Variants in MYEF2 observed in about 807,000 individuals in gnomAD.
The protein encoded by MYEF2 is myelin expression factor 2.
A neutral mutation model predicts 75.2 loss-of-function variants in MYEF2; 37 were observed. The ratio of observed to expected loss-of-function variants is 0.49; its 90% CI spans 0.38 to 0.65. The LOEUF (loss-of-function observed/expected upper bound fraction) is 0.65. Among genes scored for constraint, MYEF2 ranks in the 30% least tolerant of loss-of-function variants. The pLI is 0.00. For synonymous variants in MYEF2, 195 were observed against 241.6 expected (o/e 0.81, Z 1.79); for missense variants, 634 against 771.4 (o/e 0.82, Z 2.11).
Position 48,151,343 on chromosome 15 carries a change from A to T in MYEF2, c.1306+130T>A, listed in dbSNP as rs75263091. 4,650 of 1,050,114 alleles carry T rather than the reference A, an allele frequency of 4.4e-3. 233 individuals carry two copies. In the East Asian group the frequency reaches 0.097, roughly 22 times the overall value. The allele number at this position is 1,050,114 out of a possible 1,614,324, so 65.0% of individuals were successfully genotyped here. On this transcript the variant is annotated intron_variant, in intron 13 of 16. Coordinates refer to ENST00000324324, the MANE Select transcript of MYEF2 (RefSeq NM_016132.5). Reference sequence around the variant, plus strand: ...AGAGAGCTAGCATATTAAAATCCTTAAAGTGTTTTCTTCAGGTAATAAGTT... The same window carrying T: ...AGAGAGCTAGCATATTAAAATCCTTTAAGTGTTTTCTTCAGGTAATAAGTT...
At chr15:48,177,740 T>G (rs764017453) in intron 1 of MYEF2, among the ~76,000 whole-genome samples, 8 of 152,222 alleles carry the variant, frequency 5.3e-5, no homozygotes, top group Non-Finnish European at 1.0e-4. Flanking sequence ...GGGACCATTT[T>G]CCTGCAAACC....
At position 48,178,106 on chromosome 15, in the gene MYEF2, C is replaced by T; in HGVS notation, c.132G>A (p.Gln44=). ...HPAEAEKQQP[Q]HSSSSNGVKM... ...TAACGCCATTGGAGCTGCTGCTGTGCTGCGGCTGCTGCTTCTCCGCCTCCG... is the reference window on the plus strand; with the variant it reads ...TAACGCCATTGGAGCTGCTGCTGTGTTGCGGCTGCTGCTTCTCCGCCTCCG... Residue 44 remains glutamine (Q), a synonymous_variant, in exon 1 of 17, where the codon CAG becomes CAA. Coordinates refer to ENST00000324324, the MANE Select transcript of MYEF2 (RefSeq NM_016132.5). The T allele has an allele frequency of 6.3e-7, 1 of 1,597,068 alleles. No individual in the cohort carries two copies. Among genetic ancestry groups the T allele is most frequent in the Non-Finnish European group, 8.5e-7 (1 of 1,172,650 alleles).
rs1438350749 is a variant in MYEF2 at position 48,149,105 on chromosome 15, G to A, written c.1588-22C>T. On this transcript the variant is annotated intron_variant, in intron 15 of 16. Coordinates refer to ENST00000324324, the MANE Select transcript of MYEF2 (RefSeq NM_016132.5). This position sits in a 1 kb window ranked among gnomAD's most constrained non-coding sequence, Gnocchi z 4.0. ...GTAGCTAGAATGAAAAGAGGTATTA[G>A]TAACATATATACAAGAAAAAAAAGA... The A allele has an allele frequency of 6.2e-7, 1 of 1,612,824 alleles. No individual in the cohort carries two copies. Among genetic ancestry groups the A allele is most frequent in the Non-Finnish European group, 8.5e-7 (1 of 1,179,092 alleles).
Position 48,134,967 on chromosome 15 carries a change from T to C in MYEF2, c.*7941A>G, listed in dbSNP as rs1317645393. 6.2e-7 allele frequency: 1 copy of C among 1,608,884 alleles called. No individual in the cohort carries two copies. Among genetic ancestry groups the C allele is most frequent in the African/African-American group, 1.3e-5 (1 of 74,804 alleles). ...CAGCAGCAGTTCTTGGTATAATATA[T>C]GACAACCAAGTTTACTGGTAAGCTT... is the stretch of plus-strand genomic sequence containing the variant. On this transcript the variant is annotated 3_prime_UTR_variant, in exon 17 of 17. Transcript: ENST00000324324.
At position 48,153,873 on chromosome 15, in the gene MYEF2, T is replaced by C. The variant is rs771346439; in HGVS notation, c.1006A>G (p.Met336Val). The C allele has an allele frequency of 1.9e-6, 3 of 1,613,016 alleles. No individual in the cohort carries two copies. In the East Asian group the frequency reaches 6.7e-5, roughly 36 times the overall value. The change falls in exon 10 of 17, where the codon ATG becomes GTG. Residue 336 changes from methionine (M) to valine (V), a missense_variant. By Grantham distance (21) the Met-to-Val change is conservative (BLOSUM62 1). Transcript: ENST00000324324. ...GGCTGTCCACCCGGACCAAGTCCCA[T>C]CCCAATGCCTCCAAGACCACCTAAA... ...QLPRGLGGIG[M>V]GLGPGGQPIS...
chr15:48,172,103 G>A (rs1274210125), intron 1 of MYEF2, among the ~76,000 whole-genome samples: 2 of 152,094 alleles, frequency 1.3e-5, no homozygotes, highest in African/African-American at 2.4e-5. Context: ...TCTACATTAA[G>A]AAAAACGACC....
intron 11 of MYEF2, 79 bp downstream of exon 11, chr15:48,152,155 T>TC (rs2039514984): frequency 2.1e-6 from 3 of 1,401,252 alleles, no homozygotes; most frequent in Non-Finnish European, 3.0e-6. Context: ...GACTTTTTTT[T>TC]CATGGAATTC....
rs1455645093 is a variant in MYEF2 at position 48,151,456 on chromosome 15, T to C, written c.1306+17A>G. 1.3e-6 allele frequency: 2 copies of C among 1,598,108 alleles called. No homozygotes were observed. The highest frequency in any genetic ancestry group is 1.7e-5 in the Admixed American group (1 of 59,864). ...TAGCCTACAAAAAGAAAAGGAGAAGTATGCAGCCAGCCCTACCAAGTCTAC... is the reference window on the plus strand; with the variant it reads ...TAGCCTACAAAAAGAAAAGGAGAAGCATGCAGCCAGCCCTACCAAGTCTAC... On this transcript the variant is annotated intron_variant, in intron 13 of 16. Coordinates refer to ENST00000324324, the MANE Select transcript of MYEF2 (RefSeq NM_016132.5).
At position 48,135,950 on chromosome 15, in the gene MYEF2, G is replaced by A. The variant is rs756576989; in HGVS notation, c.*6958C>T. On this transcript the variant is annotated 3_prime_UTR_variant, in exon 17 of 17. Transcript: ENST00000324324. Reference sequence around the variant, plus strand: ...ATCCAAGCTAATTCTTCCTCCATTAGGGAAATCAGAACTGTTCTTTAAGAT... The same window carrying A: ...ATCCAAGCTAATTCTTCCTCCATTAAGGAAATCAGAACTGTTCTTTAAGAT... The A allele has an allele frequency of 2.0e-5, 3 of 152,084 alleles. No homozygotes were observed. Among genetic ancestry groups the A allele is most frequent in the South Asian group, 2.1e-4 (1 of 4,830 alleles). The allele number at this position is 152,084 out of a possible 1,614,324, so 9.4% of individuals were successfully genotyped here. A position where few individuals can be genotyped will look rare whatever the true frequency, so the allele number is the denominator to read the frequency against.
chr15:48,157,266 A>C (rs937952083), intron 9 of MYEF2: 4 of 152,096 alleles, frequency 2.6e-5, no homozygotes, highest in Non-Finnish European at 2.9e-5. Context: ...TTTTCAAAGG[A>C]GGCACTGAGA....
chr15:48,163,442 G>A (rs188076933), intron 5 of MYEF2, among the ~76,000 whole-genome samples: 1 of 152,318 alleles, frequency 6.6e-6, no homozygotes, highest in East Asian at 1.9e-4. Context: ...TGGTTCATGA[G>A]ATTTAAAGAA....
In MYEF2 at chr15:48,139,054, T is replaced by C. The variant is rs144331959; in HGVS notation, c.*3854A>G. The C allele has an allele frequency of 2.5e-6, 4 of 1,613,028 alleles. No homozygotes were observed. In the African/African-American group the frequency reaches 5.3e-5, roughly 22 times the overall value. ...CCCTTCCTATTATTACATTACTTTT[T>C]CTAACCACACCAGATTGTAGAAAAA... On this transcript the variant is annotated 3_prime_UTR_variant, in exon 17 of 17. Coordinates refer to ENST00000324324, the MANE Select transcript of MYEF2 (RefSeq NM_016132.5).
chr15:48,143,914 A>C (rs2039179911), intron 16 of MYEF2, among the ~76,000 whole-genome samples: 1 of 152,086 alleles, frequency 6.6e-6, no homozygotes, highest in Non-Finnish European at 1.5e-5. Flanking sequence ...AGGGGGAGTT[A>C]TCAATAATTA....
At chr15:48,165,173 A>C (rs2040091139) in intron 5 of MYEF2, among the ~76,000 whole-genome samples, 1 of 152,146 alleles carries the variant, frequency 6.6e-6, no homozygotes, top group Non-Finnish European at 1.5e-5. Context: ...TTAGTACAAA[A>C]TCTTCAGGGT....
At chr15:48,160,260 G>C (rs1021833585) in intron 5 of MYEF2, among the ~76,000 whole-genome samples, 1 of 152,034 alleles carries the variant, frequency 6.6e-6, no homozygotes, top group Admixed American at 6.6e-5. Context: ...CTGGGGTAGA[G>C]GATAGGATGG....
At chr15:48,168,919 C>T in intron 1 of MYEF2, 80 bp from the exon 2 acceptor site, 1 of 1,075,198 alleles carries the variant, frequency 9.3e-7, no homozygotes, top group Non-Finnish European at 1.3e-6. Flanking sequence ...AATAAGTATT[C>T]CATATTTATC....
intron 3 of MYEF2, among the ~76,000 whole-genome samples, chr15:48,166,662 T>C (rs186504450): frequency 3.3e-5 from 5 of 152,106 alleles, no homozygotes; most frequent in Non-Finnish European, 5.9e-5. Flanking sequence ...ATAAATTAAT[T>C]TGGAGAGTTA....
intron 9 of MYEF2, 126 bp downstream of exon 9, chr15:48,157,867 A>C (rs1049593180): frequency 6.8e-7 from 1 of 1,470,902 alleles, no homozygotes; most frequent in Non-Finnish European, 9.0e-7. Flanking sequence ...AACTATCTTC[A>C]TAACTCCAAA....
At position 48,139,775 on chromosome 15, in the gene MYEF2, A is replaced by T. The variant is rs1169329581; in HGVS notation, c.*3133T>A. On this transcript the variant is annotated 3_prime_UTR_variant, in exon 17 of 17. Coordinates refer to ENST00000324324, the MANE Select transcript of MYEF2 (RefSeq NM_016132.5). ...GTCCCTAAACAAAAAAACTATGAAC[A>T]AAGACAAAAATAATCTGTAATTTCT... 6.6e-6 allele frequency: 1 copy of T among 152,166 alleles called. No homozygotes were observed. Among genetic ancestry groups the T allele is most frequent in the Non-Finnish European group, 1.5e-5 (1 of 68,000 alleles). 9.4% of individuals were successfully genotyped at this position (152,166 alleles called of 1,614,324 possible).
Sources: allele counts gnomAD v4.1 joint callset (sites outside exome capture counted in the v4.1 genomes callset), GRCh38; gene constraint gnomAD v4.1.1; non-coding constraint Gnocchi (gnomAD v3.1); transcripts MANE v1.5; gene names NCBI Gene and HGNC (gene_info 2026-07-23, HGNC 2026-07-21).